Variants in SEMA3D observed in about 807,000 individuals in gnomAD.
SEMA3D encodes the protein semaphorin-3D.
Under a neutral mutation model 100.1 loss-of-function variants are expected in SEMA3D, and 84 were observed. The ratio of observed to expected loss-of-function variants is 0.84; its 90% confidence interval spans 0.70 to 1.01. SEMA3D has a LOEUF of 1.01. SEMA3D is among the 50% of genes least tolerant of loss of function. The pLI, the probability that SEMA3D is intolerant of heterozygous loss-of-function variation, is 0.00. For missense variants in SEMA3D, 875 were observed against 934.1 expected (o/e 0.94, Z 0.82); for synonymous variants, 312 against 320.7 (o/e 0.97, Z 0.29).
rs1583928949 is a variant in SEMA3D at position 85,106,302 on chromosome 7, A to C, written c.152-8337T>G. Among the ~76,000 whole-genome samples, 4 of 152,080 alleles carry C rather than the reference A, an allele frequency of 2.6e-5. No individual in the cohort carries two copies. The South Asian group carries it at 8.3e-4, about 31-fold the overall frequency. The stretch of plus-strand genomic sequence containing the variant: ...TTTAAAATTAAACGCCATGTCACAC[A>C]TATTTGGTATTTGTTTCAATCAAGT... On this transcript the variant is annotated intron_variant, in intron 3 of 18. Coordinates refer to ENST00000284136, the MANE Select transcript of SEMA3D (RefSeq NM_001384900.1).
chr7:85,026,151 C>G (rs548440719), intron 12 of SEMA3D, among the ~76,000 whole-genome samples: 3 of 152,076 alleles, frequency 2.0e-5, no homozygotes, highest in African/African-American at 7.2e-5. Context: ...TTAGTGTAAT[C>G]TGTTTTAGGA....
chr7:85,145,601 GAT>G (rs1275816021), intron 2 of SEMA3D, among the ~76,000 whole-genome samples: 3 of 151,980 alleles, frequency 2.0e-5, no homozygotes, highest in Non-Finnish European at 4.4e-5. Context: ...CAAGCAAGAT[GAT>G]AGAGTATGTT....
chr7:84,999,458 AG>A lies in SEMA3D; in HGVS notation c.2315del (p.Pro772LeufsTer4). On this transcript the variant is annotated frameshift_variant, in exon 19 of 19. Coordinates refer to ENST00000284136, the MANE Select transcript of SEMA3D (RefSeq NM_001384900.1). LOFTEE classifies it high-confidence loss of function. ...RRHHRDLDEL[P>X]RAVAT ...TAGAAAACTACGTGGCTACAGCTCT[AG>A]GGAGCTCATCCAGGTCTCTGTGATG... is the stretch of plus-strand genomic sequence containing the variant. 1 of 1,613,782 alleles carries A rather than the reference AG, an allele frequency of 6.2e-7. No individual in the cohort carries two copies. The highest frequency in any genetic ancestry group is 2.2e-5 in the East Asian group (1 of 44,860).
intron 2 of SEMA3D, among the ~76,000 whole-genome samples, chr7:85,123,941 A>G (rs1475359666): frequency 6.6e-6 from 1 of 152,090 alleles, no homozygotes; most frequent in Non-Finnish European, 1.5e-5. Context: ...GACAACAGGA[A>G]TGTCTTTCTG....
Position 85,085,480 on chromosome 7 carries a change from A to T in SEMA3D, c.313-3901T>A, listed in dbSNP as rs529300901. ...GGAAGCACTCTTTATATCGTTTTTG[A>T]AACCTAAATAAAAGTTTCAAAGTTA... On this transcript the variant is annotated intron_variant, in intron 4 of 18. Coordinates refer to ENST00000284136, the MANE Select transcript of SEMA3D (RefSeq NM_001384900.1). 2.0e-5 allele frequency among the ~76,000 whole-genome samples: 3 copies of T among 152,322 alleles called. No homozygotes were observed. The South Asian group carries it at 6.2e-4, about 32-fold the overall frequency.
intron 1 of SEMA3D, among the ~76,000 whole-genome samples, chr7:85,173,054 G>A (rs1791127453): frequency 6.6e-6 from 1 of 151,986 alleles, no homozygotes. Flanking sequence ...CTGTGGGCAA[G>A]GAGATGGGAA....
chr7:85,025,584 C>T (rs1227585739), intron 12 of SEMA3D, among the ~76,000 whole-genome samples: 3 of 151,984 alleles, frequency 2.0e-5, no homozygotes, highest in African/African-American at 4.8e-5. Context: ...TTTTTCTCCC[C>T]GCAGCTTCAG....
intron 1 of SEMA3D, among the ~76,000 whole-genome samples, chr7:85,158,058 G>C (rs989850212): frequency 6.6e-6 from 1 of 152,092 alleles, no homozygotes; most frequent in African/African-American, 2.4e-5. Flanking sequence ...AAGCTGAGGA[G>C]GATGTATGTC....
chr7:85,016,881 A>G (rs1266000451), intron 15 of SEMA3D, among the ~76,000 whole-genome samples: 1 of 148,894 alleles, frequency 6.7e-6, no homozygotes, highest in Non-Finnish European at 1.5e-5. Flanking sequence ...TAGGCTCCTG[A>G]GTAGCTGCAC....
chr7:85,012,712 T>C (rs1283404325), intron 17 of SEMA3D, 70 bp downstream of exon 17: 8 of 1,164,856 alleles, frequency 6.9e-6, no homozygotes, highest in South Asian at 1.2e-5. Flanking sequence ...TTAAGTCATA[T>C]AATAAAAAGA....
Position 84,995,702 on chromosome 7 carries a change from C to T in SEMA3D, c.*3738G>A, listed in dbSNP as rs1407711035. ...TTCAAAATTGATTGCTAACCACTCA[C>T]AATACCAGAATTAAATTACATGATT... On this transcript the variant is annotated 3_prime_UTR_variant, in exon 19 of 19. Transcript: ENST00000284136. The T allele has an allele frequency of 6.6e-6, 1 of 152,008 alleles. No individual in the cohort carries two copies. The highest frequency in any genetic ancestry group is 1.5e-5 in the Non-Finnish European group (1 of 67,908). The allele number at this position is 152,008 out of a possible 1,614,324, so 9.4% of individuals were successfully genotyped here.
chr7:85,228,333 C>T, the SEMA3D span, among the ~76,000 whole-genome samples: 1 of 152,116 alleles, frequency 6.6e-6, no homozygotes, highest in East Asian at 1.9e-4. Context: ...ATATTTTCTA[C>T]ACTATGCCAA....
intron 5 of SEMA3D, among the ~76,000 whole-genome samples, 178 bp downstream of exon 5, chr7:85,081,339 A>G (rs1168316423): frequency 1.3e-5 from 2 of 152,222 alleles, no homozygotes; most frequent in East Asian, 3.8e-4. Flanking sequence ...TATAAATAAT[A>G]TCATGGCTTT....
the SEMA3D span, among the ~76,000 whole-genome samples, chr7:85,212,710 T>A: frequency 6.6e-6 from 1 of 152,070 alleles, no homozygotes; most frequent in Non-Finnish European, 1.5e-5. Context: ...ATATTAAAAC[T>A]TCAGCTCTGG....
intron 9 of SEMA3D, among the ~76,000 whole-genome samples, chr7:85,043,678 A>C (rs1322178509): frequency 6.6e-6 from 1 of 152,016 alleles, no homozygotes; most frequent in African/African-American, 2.4e-5. Context: ...TGAATTATGG[A>C]GGCGGGTCTT....
In SEMA3D at chr7:84,996,595, T is replaced by G. The variant is rs2115673338; in HGVS notation, c.*2845A>C. 1 of 152,536 alleles carries G rather than the reference T, an allele frequency of 6.6e-6. No homozygotes were observed. Among genetic ancestry groups the G allele is most frequent in the Admixed American group, 6.5e-5 (1 of 15,286 alleles). 9.4% of individuals were successfully genotyped at this position (152,536 alleles called of 1,614,324 possible). ...AGACAATTCATTTCTAAATAAAATC[T>G]CAAAATTTACAATAAGTTGAATGTA... On this transcript the variant is annotated 3_prime_UTR_variant, in exon 19 of 19. Coordinates refer to ENST00000284136, the MANE Select transcript of SEMA3D (RefSeq NM_001384900.1).
At chr7:85,241,125 T>G in the SEMA3D span, among the ~76,000 whole-genome samples, 1 of 151,814 alleles carries the variant, frequency 6.6e-6, no homozygotes, top group Non-Finnish European at 1.5e-5. Flanking sequence ...AATACCACCT[T>G]ACTCCTGCAA....
Position 85,012,800 on chromosome 7 carries a change from A to C in SEMA3D, c.1750T>G (p.Cys584Gly). 6.2e-7 allele frequency: 1 copy of C among 1,610,388 alleles called. No individual in the cohort carries two copies. The highest frequency in any genetic ancestry group is 8.5e-7 in the Non-Finnish European group (1 of 1,177,448). Reference protein sequence around the residue: ...DVKYGDPITQCWDIEDSISHE... With the variant: ...DVKYGDPITQGWDIEDSISHE... ...TACTTACTGTCTTCGATGTCCCAGC[A>C]CTGGGTGATTGGGTCGCCATATTTT... The change falls in exon 17 of 19, where the codon TGC becomes GGC. Residue 584 changes from cysteine to glycine, a missense_variant. Transcript: ENST00000284136.
At chr7:85,040,550 A>C (rs570478827) in intron 11 of SEMA3D, 123 bp downstream of exon 11, 1 of 618,864 alleles carries the variant, frequency 1.6e-6, no homozygotes, top group African/African-American at 1.9e-5. Context: ...GTGAAAAGGT[A>C]AAATGAAAAA....
Sources: gnomAD v4.1 joint callset for allele counts (sites outside exome capture counted in the v4.1 genomes callset) on GRCh38, gnomAD v4.1.1 for gene constraint, MANE v1.5 for transcripts, NCBI Gene and HGNC (gene_info 2026-07-23, HGNC 2026-07-21) for gene names.